Variants in CHRD observed in about 807,000 individuals in gnomAD.
The protein encoded by CHRD is chordin.
In CHRD, 69 loss-of-function variants were observed where a neutral mutation model predicts 113.7. The observed-to-expected ratio is 0.61, with a 90% confidence interval of 0.50 to 0.74. The LOEUF (loss-of-function observed/expected upper bound fraction) is 0.74. CHRD is among the 30% of genes least tolerant of loss of function. The pLI is 0.00. For missense variants in CHRD, 1,194 were observed against 1,295.8 expected, an observed-to-expected ratio of 0.92 and a Z score of 1.21; for synonymous variants, 561 against 540.8, an observed-to-expected ratio of 1.04 and a Z score of -0.52.
At position 184,388,387 on chromosome 3, in the gene CHRD, G is replaced by GCATCCATCCATCCATCCATC. The variant is rs61133846; in HGVS notation, c.2555-174_2555-155dup. Among the ~76,000 whole-genome samples the GCATCCATCCATCCATCCATC allele has an allele frequency of 7.5e-5, 11 of 146,108 alleles. No homozygotes were observed. The highest frequency in any genetic ancestry group is 2.5e-4 in the African/African-American group (10 of 39,540). ...TCCATCCACCCATCCACCCATTGAT[G>GCATCCATCCATCCATCCATC]CATCCATCCATCCATCCATCCATCC... On this transcript the variant is annotated intron_variant, in intron 20 of 22. Coordinates refer to ENST00000204604, the Ensembl canonical transcript of CHRD. The surrounding 1 kb of genome is among the most constrained non-coding windows in gnomAD (Gnocchi z 6.1).
exon 11 of CHRD, chr3:184,383,317 C>A (rs1217526546): frequency 3.1e-6 from 5 of 1,613,420 alleles, no homozygotes; most frequent in Non-Finnish European, 3.4e-6. Flanking sequence ...CGTAGTCCTG[C>A]AAAGTGTCCT....
chr3:184,380,558 G>A lies in CHRD; in HGVS notation c.148+92G>A. On this transcript the variant is annotated intron_variant, in intron 1 of 22. Transcript: ENST00000204604. This position sits in a 1 kb window ranked among gnomAD's most constrained non-coding sequence, Gnocchi z 6.3. Reference sequence around the variant, plus strand: ...AGGGGGCGCGGGGCGCAGGTGGCTCGGCGCGGCGGGCGGCCCGGAGGGTGG... The same window carrying A: ...AGGGGGCGCGGGGCGCAGGTGGCTCAGCGCGGCGGGCGGCCCGGAGGGTGG... 9.7e-7 allele frequency: 1 copy of A among 1,026,900 alleles called. No homozygotes were observed. Among genetic ancestry groups the A allele is most frequent in the Non-Finnish European group, 1.2e-6 (1 of 827,132 alleles). The allele number at this position is 1,026,900 out of a possible 1,614,324, so 63.6% of individuals were successfully genotyped here.
chr3:184,389,116 C>A, intron 22 of CHRD, 121 bp downstream of exon 22: 1 of 712,784 alleles, frequency 1.4e-6, no homozygotes, highest in South Asian at 1.8e-5. Context: ...CTCACAAGTG[C>A]CATTCCAATC....
intron 14 of CHRD, 112 bp downstream of exon 14, chr3:184,385,350 C>T: frequency 1.3e-6 from 1 of 745,180 alleles, no homozygotes; most frequent in Non-Finnish European, 2.2e-6. Flanking sequence ...TATAGAAGAG[C>T]TGGCATAAAT....
At position 184,381,901 on chromosome 3, in the gene CHRD, C is replaced by T. The variant is rs772409612; in HGVS notation, c.612-32C>T. On this transcript the variant is annotated intron_variant, in intron 5 of 22. Transcript: ENST00000204604. This position sits in a 1 kb window ranked among gnomAD's most constrained non-coding sequence, Gnocchi z 4.7. ...GAGCTGGGAGGGGCTGCTTTTGGCT[C>T]AGTCCGGCCTCACCCGACCTCTCAT... 1.5e-5 allele frequency: 25 copies of T among 1,613,500 alleles called. No individual in the cohort carries two copies. The highest frequency in any genetic ancestry group is 2.1e-5 in the Non-Finnish European group (25 of 1,179,784).
chr3:184,383,172 G>GC lies in CHRD; in HGVS notation c.1213+9_1213+10insC. ...CAGGAAGAGCTGCGACGGTGAGGCGGGGGGGGGGCCTGGTGCGCCGGGCAT... is the reference window on the plus strand; with the variant it reads ...CAGGAAGAGCTGCGACGGTGAGGCGGCGGGGGGGGCCTGGTGCGCCGGGCAT... On this transcript the variant is annotated intron_variant, in intron 10 of 22. Transcript: ENST00000204604. 2 of 1,569,812 alleles carry GC rather than the reference G, an allele frequency of 1.3e-6. No individual in the cohort carries two copies. The highest frequency in any genetic ancestry group is 1.7e-6 in the Non-Finnish European group (2 of 1,155,826).
At position 184,381,247 on chromosome 3, in the gene CHRD, C is replaced by T; in HGVS notation, c.265C>T (p.Arg89Cys). ...TTTCCGGGAGCAGCCTCAGTGGGGT[C>T]GCCGTACCAGGGGCCCTGGCAGGGT... The change falls in exon 3 of 23, where the codon CGC becomes TGC. Residue 89 changes from arginine (R) to cysteine (C), a missense_variant. Physicochemically the swap from Arg to Cys is radical, Grantham distance 180. Transcript: ENST00000204604. This position sits in a 1 kb window ranked among gnomAD's most constrained non-coding sequence, Gnocchi z 4.7. 6.2e-7 allele frequency: 1 copy of T among 1,613,270 alleles called. No individual in the cohort carries two copies. The highest frequency in any genetic ancestry group is 8.5e-7 in the Non-Finnish European group (1 of 1,179,954).
exon 16 of CHRD, chr3:184,386,726 G>C (rs751844021): frequency 6.2e-7 from 1 of 1,612,628 alleles, no homozygotes; most frequent in Non-Finnish European, 8.5e-7. Flanking sequence ...GCCCAACTAC[G>C]ACCCGCTCTG....
At position 184,384,478 on chromosome 3, in the gene CHRD, G is replaced by T; in HGVS notation, c.1441-59G>T. ...GGAGTGGGGGCACAAAATGGTCCAA[G>T]ACTTCAGAACCTTGGACTCGTGTGA... On this transcript the variant is annotated intron_variant, in intron 12 of 22. Transcript: ENST00000204604. This position sits in a 1 kb window ranked among gnomAD's most constrained non-coding sequence, Gnocchi z 4.4. The T allele has an allele frequency of 7.2e-7, 1 of 1,394,894 alleles. No individual in the cohort carries two copies. Among genetic ancestry groups the T allele is most frequent in the South Asian group, 1.9e-5 (1 of 53,348 alleles). 86.4% of individuals were successfully genotyped at this position (1,394,894 alleles called of 1,614,324 possible). A position where few individuals can be genotyped will look rare whatever the true frequency, so the allele number is the denominator to read the frequency against.
chr3:184,380,851 G>GC lies in CHRD; in HGVS notation c.252+57dup. On this transcript the variant is annotated intron_variant, in intron 2 of 22. Transcript: ENST00000204604. This position sits in a 1 kb window ranked among gnomAD's most constrained non-coding sequence, Gnocchi z 6.3. ...TGGCGGGTGGGGAGCGCCGGGTCGC[G>GC]CGGGCGTCGGAGTGGACTCGGAGCT... 7.3e-7 allele frequency: 1 copy of GC among 1,370,016 alleles called. No individual in the cohort carries two copies. The highest frequency in any genetic ancestry group is 9.8e-7 in the Non-Finnish European group (1 of 1,016,142). The allele number at this position is 1,370,016 out of a possible 1,614,324, so 84.9% of individuals were successfully genotyped here. A position where few individuals can be genotyped will look rare whatever the true frequency, so the allele number is the denominator to read the frequency against.
chr3:184,380,810 C>A lies in CHRD; in HGVS notation c.252+15C>A, dbSNP rs1715222890. On this transcript the variant is annotated intron_variant, in intron 2 of 22. Coordinates refer to ENST00000204604, the Ensembl canonical transcript of CHRD. This position sits in a 1 kb window ranked among gnomAD's most constrained non-coding sequence, Gnocchi z 6.3. ...CCTGCGAGGCGGTGAGTGCACCCCG[C>A]GGCCGGCCCGGGCCCTGGCGGGTGG... The A allele has an allele frequency of 1.9e-6, 3 of 1,561,418 alleles. No homozygotes were observed. The highest frequency in any genetic ancestry group is 1.2e-5 in the South Asian group (1 of 84,766).
chr3:184,385,025 C>G (rs144074946), exon 14 of CHRD: 2 of 1,613,716 alleles, frequency 1.2e-6, no homozygotes, highest in Non-Finnish European at 1.7e-6. Flanking sequence ...CAGCGCTGCC[C>G]GTGCCCCTAG....
At chr3:184,385,164 G>A (rs1286442852) in exon 14 of CHRD, 1 of 1,614,174 alleles carries the variant, frequency 6.2e-7, no homozygotes, top group East Asian at 2.2e-5. Flanking sequence ...ACAAGGCACT[G>A]TCACTGCCCA....
At position 184,380,948 on chromosome 3, in the gene CHRD, A is replaced by G. The variant is rs555509227; in HGVS notation, c.252+153A>G. 277 of 748,136 alleles carry G rather than the reference A, an allele frequency of 3.7e-4. 1 individual carries two copies. The Middle Eastern group carries it at 4.4e-3, about 12-fold the overall frequency. The allele number at this position is 748,136 out of a possible 1,614,324, so 46.3% of individuals were successfully genotyped here. A position where few individuals can be genotyped will look rare whatever the true frequency, so the allele number is the denominator to read the frequency against. ...GGAGGAAGGGGAATCAGCCCCTCCA[A>G]TTCTTAGGTGCTGTTACTGATCGCC... On this transcript the variant is annotated intron_variant, in intron 2 of 22. Transcript: ENST00000204604. This position sits in a 1 kb window ranked among gnomAD's most constrained non-coding sequence, Gnocchi z 6.3.
At chr3:184,382,491 G>A in exon 7 of CHRD, 1 of 1,614,082 alleles carries the variant, frequency 6.2e-7, no homozygotes, top group Admixed American at 1.7e-5. Context: ...TTCAGGGGAG[G>A]TCTGGGGGCC....
intron 14 of CHRD, 89 bp downstream of exon 14, chr3:184,385,327 G>A: frequency 5.3e-6 from 5 of 948,064 alleles, no homozygotes; most frequent in Non-Finnish European, 8.3e-6. Context: ...AAAGCAGAGA[G>A]CAGGCAGCCT....
chr3:184,389,691 A>T (rs970363974), exon 23 of CHRD: 19 of 443,926 alleles, frequency 4.3e-5, no homozygotes, highest in Middle Eastern at 1.2e-3. Context: ...CCTGTACATA[A>T]TGTCACTGGC....
chr3:184,387,091 C>G lies in CHRD; in HGVS notation c.2331C>G (p.Ser777Arg). 1 of 1,613,872 alleles carries G rather than the reference C, an allele frequency of 6.2e-7. No homozygotes were observed. Among genetic ancestry groups the G allele is most frequent in the Non-Finnish European group, 8.5e-7 (1 of 1,179,922 alleles). Residue 777 changes from serine to arginine, a missense_variant, in exon 18 of 23, where the codon AGC becomes AGG. By Grantham distance (110) the Ser-to-Arg change is moderately radical. Coordinates refer to ENST00000204604, the Ensembl canonical transcript of CHRD. This position sits in a 1 kb window ranked among gnomAD's most constrained non-coding sequence, Gnocchi z 6.1. The stretch of plus-strand genomic sequence containing the variant: ...GAGACTTGCCAGGGCTGCCAAGGAG[C>G]CGGGACCCAGGAGAGGGTGAGCTGG...
intron 14 of CHRD, 106 bp from the exon 15 acceptor site, chr3:184,385,940 A>C (rs1716206297): frequency 8.6e-7 from 1 of 1,159,812 alleles, no homozygotes; most frequent in African/African-American, 1.5e-5. Context: ...TACCATGAAG[A>C]CTTTATTTAA....
Sources: gnomAD v4.1 joint callset for allele counts (sites outside exome capture counted in the v4.1 genomes callset) on GRCh38, gnomAD v4.1.1 for gene constraint, Gnocchi (gnomAD v3.1) non-coding constraint, MANE v1.5 for transcripts, NCBI Gene and HGNC (gene_info 2026-07-23, HGNC 2026-07-21) for gene names.